Variants in PLCL1 observed in about 807,000 individuals in gnomAD.
The protein encoded by PLCL1 is phospholipase C like 1 (inactive).
In PLCL1, 41 loss-of-function variants were observed where a neutral mutation model predicts 84.4. The ratio of observed to expected loss-of-function variants is 0.49; its 90% confidence interval spans 0.38 to 0.63. The LOEUF (loss-of-function observed/expected upper bound fraction) is 0.63. PLCL1 is among the 30% of genes least tolerant of loss of function. The pLI is 0.00. For synonymous variants in PLCL1, 490 were observed against 488.3 expected, an observed-to-expected ratio of 1.00 and a Z score of -0.05; for missense variants, 1,206 against 1,367.8, an observed-to-expected ratio of 0.88 and a Z score of 1.87.
intron 1 of PLCL1, among the ~76,000 whole-genome samples, chr2:197,975,743 C>G (rs547137772): frequency 6.6e-6 from 1 of 152,102 alleles, no homozygotes; most frequent in Non-Finnish European, 1.5e-5. Context: ...GTCATCAAGG[C>G]TGCAGTGAGC....
chr2:198,134,301 G>A (rs951742858), intron 5 of PLCL1, among the ~76,000 whole-genome samples: 3 of 151,986 alleles, frequency 2.0e-5, no homozygotes, highest in Non-Finnish European at 4.4e-5. Flanking sequence ...TGAATCTGGG[G>A]CACCGAGAGT....
intron 1 of PLCL1, among the ~76,000 whole-genome samples, chr2:197,851,195 C>A (rs1687228992): frequency 6.6e-6 from 1 of 152,168 alleles, no homozygotes; most frequent in African/African-American, 2.4e-5. Context: ...AGGAAATAAA[C>A]CTAAGAGAGC....
chr2:198,108,869 C>G (rs1432902888), intron 5 of PLCL1, among the ~76,000 whole-genome samples: 1 of 151,868 alleles, frequency 6.6e-6, no homozygotes, highest in East Asian at 1.9e-4. Flanking sequence ...CTGTAGCAGT[C>G]AATTTGCTCT....
intron 5 of PLCL1, among the ~76,000 whole-genome samples, chr2:198,145,896 A>C (rs1694505229): frequency 6.6e-6 from 1 of 152,120 alleles, no homozygotes; most frequent in Non-Finnish European, 1.5e-5. Flanking sequence ...TCAAGGTCAC[A>C]CTTTCAGGCA....
At chr2:198,019,205 A>T (rs1173758023) in intron 1 of PLCL1, among the ~76,000 whole-genome samples, 1 of 152,188 alleles carries the variant, frequency 6.6e-6, no homozygotes, top group Admixed American at 6.5e-5. Flanking sequence ...AAAAAGGACG[A>T]CCATGCAAAA....
At chr2:197,844,114 C>G (rs763324250) in intron 1 of PLCL1, among the ~76,000 whole-genome samples, 4 of 152,024 alleles carry the variant, frequency 2.6e-5, no homozygotes, top group Admixed American at 6.6e-5. Context: ...TTATTTTTGG[C>G]AAGTAAACTT....
intron 1 of PLCL1, among the ~76,000 whole-genome samples, chr2:197,820,627 T>G (rs1385885934): frequency 6.6e-6 from 1 of 152,104 alleles, no homozygotes; most frequent in Non-Finnish European, 1.5e-5. Flanking sequence ...CAACTGAGAA[T>G]GTGGTGGGCT....
intron 5 of PLCL1, among the ~76,000 whole-genome samples, chr2:198,122,117 T>C (rs1693882461): frequency 6.6e-6 from 1 of 152,128 alleles, no homozygotes; most frequent in South Asian, 2.1e-4. Context: ...GTTTGATTTT[T>C]TGTTGTTACT....
chr2:198,064,862 A>G (rs1347322162), intron 1 of PLCL1, among the ~76,000 whole-genome samples: 1 of 152,208 alleles, frequency 6.6e-6, no homozygotes, highest in African/African-American at 2.4e-5. Context: ...TCCTCAGCAA[A>G]TGAATTGTTG....
chr2:198,033,970 T>A (rs1019918286), intron 1 of PLCL1, among the ~76,000 whole-genome samples: 9 of 152,220 alleles, frequency 5.9e-5, no homozygotes, highest in Non-Finnish European at 7.3e-5. Context: ...TTTTTTATTT[T>A]AAAAAATTTG....
chr2:198,007,338 C>G (rs779056202), intron 1 of PLCL1, among the ~76,000 whole-genome samples: 4 of 152,022 alleles, frequency 2.6e-5, no homozygotes, highest in Admixed American at 6.6e-5. Flanking sequence ...ACCCCACCCC[C>G]CTCTTGTTTG....
At position 197,810,287 on chromosome 2, in the gene PLCL1, A is replaced by G. The variant is rs564479632; in HGVS notation, c.240+4948A>G. 1.2e-5 allele frequency: 15 copies of G among 1,275,340 alleles called. No homozygotes were observed. The African/African-American group carries it at 2.3e-4, about 19-fold the overall frequency. The allele number at this position is 1,275,340 out of a possible 1,614,324, so 79.0% of individuals were successfully genotyped here. On this transcript the variant is annotated intron_variant, in intron 1 of 5. Coordinates refer to ENST00000428675, the MANE Select transcript of PLCL1 (RefSeq NM_006226.4). ...CAGGGTCTTTCTGATGTGATTTCTTATAGCACCTCTCAAGAAAATGAAGAA... is the reference window on the plus strand; with the variant it reads ...CAGGGTCTTTCTGATGTGATTTCTTGTAGCACCTCTCAAGAAAATGAAGAA...
At chr2:197,927,450 G>T (rs961644295) in intron 1 of PLCL1, among the ~76,000 whole-genome samples, 4 of 152,132 alleles carry the variant, frequency 2.6e-5, no homozygotes, top group African/African-American at 9.7e-5. Flanking sequence ...GAAGAATTTG[G>T]TTGATATGTT....
chr2:198,031,928 A>G (rs542846145), intron 1 of PLCL1, among the ~76,000 whole-genome samples: 28 of 152,248 alleles, frequency 1.8e-4, no homozygotes, highest in Admixed American at 7.2e-4. Flanking sequence ...CACAAATCTT[A>G]TAGCATTGTC....
At chr2:197,890,981 G>A (rs1023789454) in intron 1 of PLCL1, among the ~76,000 whole-genome samples, 10 of 150,886 alleles carry the variant, frequency 6.6e-5, no homozygotes, top group African/African-American at 2.4e-4. Flanking sequence ...CCACTGGATG[G>A]TTGTACTGTA....
At chr2:198,123,365 C>A (rs1693916562) in intron 5 of PLCL1, among the ~76,000 whole-genome samples, 1 of 151,994 alleles carries the variant, frequency 6.6e-6, no homozygotes, top group African/African-American at 2.4e-5. Context: ...AATCCTAAAC[C>A]CCCAGTATCT....
chr2:198,113,109 A>G (rs1387320502), intron 5 of PLCL1, among the ~76,000 whole-genome samples: 1 of 151,890 alleles, frequency 6.6e-6, no homozygotes, highest in African/African-American at 2.4e-5. Flanking sequence ...TGGACGAGGT[A>G]TCTGAAAAGA....
At chr2:198,060,535 C>T (rs1692170754) in intron 1 of PLCL1, among the ~76,000 whole-genome samples, 1 of 152,164 alleles carries the variant, frequency 6.6e-6, no homozygotes, top group Admixed American at 6.5e-5. Context: ...ACATTTCAGT[C>T]CTACAGTTCA....
intron 1 of PLCL1, among the ~76,000 whole-genome samples, chr2:197,861,330 G>C (rs1687430776): frequency 6.6e-6 from 1 of 152,138 alleles, no homozygotes; most frequent in African/African-American, 2.4e-5. Context: ...ACCACATGAA[G>C]GTTTCTGGAA....
Sources: allele counts gnomAD v4.1 joint callset (sites outside exome capture counted in the v4.1 genomes callset), GRCh38; gene constraint gnomAD v4.1.1; transcripts MANE v1.5; gene names NCBI Gene and HGNC (gene_info 2026-07-23, HGNC 2026-07-21).